DCAF6: variants seen among roughly 807,000 people sequenced by gnomAD.
The protein encoded by DCAF6 is DDB1- and CUL4-associated factor 6.
Under a neutral mutation model 125.1 loss-of-function variants are expected in DCAF6, and 54 were observed. The observed-to-expected ratio is 0.43, with a 90% confidence interval of 0.35 to 0.54. The LOEUF (loss-of-function observed/expected upper bound fraction) is 0.54, where lower values mean the gene tolerates loss of function less well. Among genes scored for constraint, DCAF6 ranks in the 20% least tolerant of loss-of-function variants. The pLI, the probability that DCAF6 is intolerant of heterozygous loss-of-function variation, is 0.01. For synonymous variants in DCAF6, 371 were observed against 390.4 expected (o/e 0.95, Z 0.58); for missense variants, 934 against 1,161.7 (o/e 0.80, Z 2.85).
At chr1:167,888,737 G>T in the DCAF6 span, among the ~76,000 whole-genome samples, 2 of 151,780 alleles carry the variant, frequency 1.3e-5, no homozygotes, top group Non-Finnish European at 2.9e-5. Flanking sequence ...TTAGCGGGGC[G>T]TGGTGGCGGG....
At chr1:167,977,390 T>C (rs1298178773) in intron 4 of DCAF6, among the ~76,000 whole-genome samples, 1 of 152,232 alleles carries the variant, frequency 6.6e-6, no homozygotes, top group South Asian at 2.1e-4. Flanking sequence ...TGATAGTTAC[T>C]GTATTTCAGA....
rs148178916 is a variant in DCAF6, at chr1:168,059,005, A to AT, written c.2301-4609dup. On this transcript the variant is annotated intron_variant, in intron 17 of 21. Coordinates refer to ENST00000367840, the MANE Select transcript of DCAF6 (RefSeq NM_001198956.2). Reference sequence around the variant, plus strand: ...GTACAAATATTTTTTCTATTTTATGATTTTTTTCACTGTTTTTAGGCTGTT... The same window carrying AT: ...GTACAAATATTTTTTCTATTTTATGATTTTTTTTCACTGTTTTTAGGCTGTT... Among the ~76,000 whole-genome samples, 1,095 of 151,562 alleles carry AT rather than the reference A, an allele frequency of 7.2e-3. 13 individuals are homozygous for AT. The highest frequency in any genetic ancestry group is 0.025 in the African/African-American group (1,026 of 41,304).
upstream of DCAF6, among the ~76,000 whole-genome samples, chr1:167,932,489 T>G (rs1210479857): frequency 6.6e-6 from 1 of 152,118 alleles, no homozygotes; most frequent in African/African-American, 2.4e-5. Context: ...ACTGATAATT[T>G]TTTTGTTTTC....
At chr1:167,988,775 A>C (rs1680387991) in intron 5 of DCAF6, among the ~76,000 whole-genome samples, 2 of 152,184 alleles carry the variant, frequency 1.3e-5, no homozygotes, top group African/African-American at 2.4e-5. Context: ...AATAAAACAA[A>C]AAGTAGAAAT....
the DCAF6 span, chr1:167,880,631 A>G: frequency 9.0e-6 from 14 of 1,549,554 alleles, no homozygotes; most frequent in African/African-American, 1.8e-4. Flanking sequence ...AGAGACAGCA[A>G]CCACAGCTGA....
the DCAF6 span, chr1:167,920,465 A>C: frequency 2.2e-6 from 3 of 1,389,082 alleles, no homozygotes; most frequent in Admixed American, 4.1e-5. Flanking sequence ...TCAAACACTA[A>C]GCCACTAAAT....
At chr1:167,962,651 G>T (rs748942762) in intron 2 of DCAF6, among the ~76,000 whole-genome samples, 3 of 152,002 alleles carry the variant, frequency 2.0e-5, no homozygotes, top group Non-Finnish European at 4.4e-5. Flanking sequence ...GATCCACTCT[G>T]ACAGTCTCTG....
chr1:167,899,151 G>A, the DCAF6 span, among the ~76,000 whole-genome samples: 1 of 152,080 alleles, frequency 6.6e-6, no homozygotes, highest in Non-Finnish European at 1.5e-5. Context: ...CTTAAGCAAG[G>A]TCGCTAGCCC....
intron 17 of DCAF6, among the ~76,000 whole-genome samples, chr1:168,054,538 A>G (rs1440430377): frequency 6.6e-6 from 1 of 152,226 alleles, no homozygotes; most frequent in Non-Finnish European, 1.5e-5. Context: ...CATGCAAACC[A>G]TAGCACATAG....
chr1:167,990,093 A>G (rs752948690), intron 5 of DCAF6, among the ~76,000 whole-genome samples: 31 of 152,330 alleles, frequency 2.0e-4, no homozygotes, highest in Non-Finnish European at 3.8e-4. Flanking sequence ...ATAAGTAAAA[A>G]GTATAAAATA....
At chr1:167,988,555 A>T (rs149410717) in intron 5 of DCAF6, among the ~76,000 whole-genome samples, 1 of 152,226 alleles carries the variant, frequency 6.6e-6, no homozygotes, top group African/African-American at 2.4e-5. Context: ...TTTTCCTGAC[A>T]TACATTATTA....
chr1:167,904,990 T>C, the DCAF6 span: 3 of 1,614,182 alleles, frequency 1.9e-6, no homozygotes, highest in Non-Finnish European at 2.5e-6. Flanking sequence ...CTTTTGCACT[T>C]GCCTGAAATA....
chr1:168,042,947 A>T, intron 13 of DCAF6, 78 bp from the exon 14 acceptor site: 1 of 1,032,282 alleles, frequency 9.7e-7, no homozygotes, highest in Non-Finnish European at 1.4e-6. Context: ...CTACCTTTCT[A>T]GTTGTAAAAT....
the DCAF6 span, among the ~76,000 whole-genome samples, chr1:167,903,181 G>T: frequency 6.6e-6 from 1 of 152,112 alleles, no homozygotes; most frequent in Non-Finnish European, 1.5e-5. Context: ...GCTTGAACCT[G>T]GGAGGCAGAG....
At chr1:167,985,184 CGTGTGTGTGTGTGT>C (rs33966059) in intron 4 of DCAF6, among the ~76,000 whole-genome samples, 6 of 146,944 alleles carry the variant, frequency 4.1e-5, no homozygotes, top group Non-Finnish European at 7.5e-5. Context: ...CAAACCACGT[CGTGTGTGTGTGTGT>C]GTGTGTGTGT....
intron 16 of DCAF6, among the ~76,000 whole-genome samples, chr1:168,048,078 C>T (rs1019539563): frequency 6.6e-6 from 1 of 152,118 alleles, no homozygotes; most frequent in African/African-American, 2.4e-5. Context: ...AAAAGAATCA[C>T]TTACCAGCTT....
the DCAF6 span, among the ~76,000 whole-genome samples, chr1:167,864,895 G>GAAAAAAAA: frequency 2.3e-5 from 3 of 129,274 alleles, no homozygotes; most frequent in Admixed American, 7.9e-5. Flanking sequence ...TTGCTAACAG[G>GAAAAAAAA]AAAAAAAAAA....
At chr1:167,936,510 G>C (rs1671229780), upstream of DCAF6, 1 of 220,836 alleles carries the variant, frequency 4.5e-6, no homozygotes, top group Non-Finnish European at 9.1e-6. Context: ...TTCTTCCAGG[G>C]TGAGGGCAGC....
chr1:167,920,883 T>C, the DCAF6 span, among the ~76,000 whole-genome samples: 3 of 152,180 alleles, frequency 2.0e-5, no homozygotes, highest in East Asian at 3.8e-4. Context: ...AGTACATATA[T>C]AGATAAGATG....
Sources: allele counts gnomAD v4.1 joint callset (sites outside exome capture counted in the v4.1 genomes callset), GRCh38; gene constraint gnomAD v4.1.1; transcripts MANE v1.5; gene names NCBI Gene and HGNC (gene_info 2026-07-23, HGNC 2026-07-21).